Variants in ZNF557 observed in about 807,000 individuals in gnomAD.
ZNF557 encodes zinc finger protein 557, also known as CTB-25J19.9.
A neutral mutation model predicts 21.2 loss-of-function variants in ZNF557; 19 were observed. The ratio of observed to expected loss-of-function variants is 0.90; its 90% confidence interval spans 0.63 to 1.32. The LOEUF is 1.32. ZNF557 is among the 40% of genes most tolerant of loss of function. The pLI is 0.00. For missense variants in ZNF557, 487 were observed against 519.8 expected (o/e 0.94, Z 0.61); for synonymous variants, 207 against 194.8 (o/e 1.06, Z -0.52).
At chr19:7,073,553 G>A (rs1977508890) in intron 2 of ZNF557, among the ~76,000 whole-genome samples, 1 of 152,096 alleles carries the variant, frequency 6.6e-6, no homozygotes, top group South Asian at 2.1e-4. Context: ...TGTGAATTTT[G>A]GGGGTTCTGT....
chr19:7,082,813 C>T lies in ZNF557; in HGVS notation c.427-65C>T. On this transcript the variant is annotated intron_variant, in intron 7 of 7. Coordinates refer to ENST00000252840, the MANE Select transcript of ZNF557 (RefSeq NM_024341.3). ...AACAGAATTCCTGGGAGAGGAAATT[C>T]CTCTGACAGCATTCAATGTTAAAAA... The T allele has an allele frequency of 4.1e-6, 6 of 1,473,208 alleles. No individual in the cohort carries two copies. In the South Asian group the frequency reaches 8.4e-5, roughly 21 times the overall value. The allele number at this position is 1,473,208 out of a possible 1,614,324, so 91.3% of individuals were successfully genotyped here.
rs1292214684 is a variant in ZNF557, at chr19:7,083,166, A to G, written c.715A>G (p.Ser239Gly). 5 of 1,614,212 alleles carry G rather than the reference A, an allele frequency of 3.1e-6. No homozygotes were observed. The highest frequency in any genetic ancestry group is 4.2e-6 in the Non-Finnish European group (5 of 1,180,022). ...CAATGGGGAGAAACCCTACGAATGC[A>G]GTGACTGTGGGAAAACCTTCAGCAA... is the stretch of plus-strand genomic sequence containing the variant. ...IHNGEKPYEC[S>G]DCGKTFSNSS... The change falls in exon 8 of 8, where the codon AGT (serine) becomes GGT (glycine). Residue 239 changes from serine to glycine, a missense_variant. Ser to Gly is a moderately conservative substitution (Grantham distance 56). Coordinates refer to ENST00000252840, the MANE Select transcript of ZNF557 (RefSeq NM_024341.3).
intron 5 of ZNF557, among the ~76,000 whole-genome samples, 196 bp from the exon 6 acceptor site, chr19:7,081,150 GGTGTGTGTGTGTGT>G (rs531191945): frequency 0.11 from 15,304 of 139,062 alleles, 901 homozygotes; most frequent in Non-Finnish European, 0.15. Flanking sequence ...TTGCTTGTGG[GGTGTGTGTGTGTGT>G]GTGTGTGTGT....
In ZNF557 at chr19:7,083,414, A is replaced by T; in HGVS notation, c.963A>T (p.Glu321Asp). The T allele has an allele frequency of 6.2e-7, 1 of 1,614,196 alleles. No homozygotes were observed. The highest frequency in any genetic ancestry group is 1.1e-5 in the South Asian group (1 of 91,084). The change falls in exon 8 of 8, where the codon GAA becomes GAT. Residue 321 changes from glutamate to aspartate, a missense_variant. Physicochemically the swap from Glu to Asp is conservative, Grantham distance 45 (BLOSUM62 2). Coordinates refer to ENST00000252840, the MANE Select transcript of ZNF557 (RefSeq NM_024341.3). ...TTCATACAGGGGAGTACCCTTACGA[A>T]TGCCACGATTGTGGGAGAACCTTCA... ...YSIHTGEYPYECHDCGRTFRR... is the reference protein window; with the variant it reads ...YSIHTGEYPYDCHDCGRTFRR...
Position 7,085,732 on chromosome 19 carries a change from A to T in ZNF557, c.*1988A>T, listed in dbSNP as rs1568411993. ...GTGCTATGAATGTGGAATTACCTTC[A>T]TCAATGTCTCATTTGTAGGTTGGGC... On this transcript the variant is annotated 3_prime_UTR_variant, in exon 8 of 8. Coordinates refer to ENST00000252840, the MANE Select transcript of ZNF557 (RefSeq NM_024341.3). The T allele has an allele frequency of 6.6e-6, 1 of 152,194 alleles. No individual in the cohort carries two copies. The highest frequency in any genetic ancestry group is 1.5e-5 in the Non-Finnish European group (1 of 68,032). The allele number at this position is 152,194 out of a possible 1,614,324, so 9.4% of individuals were successfully genotyped here.
rs1555730813 is a variant in ZNF557 at position 7,087,226 on chromosome 19, T to TTTTTTTTTTTTTTTTTTTTTTTTTTTG, written c.*3482_*3483insTTTTTTTTTTTTTTTTTTTTTTTTTTG. On this transcript the variant is annotated 3_prime_UTR_variant, in exon 8 of 8. Coordinates refer to ENST00000252840, the MANE Select transcript of ZNF557 (RefSeq NM_024341.3). ...GCTTTTTTTTTTTTTTTTTTTTTTT[T>TTTTTTTTTTTTTTTTTTTTTTTTTTTG]CTTCACTGTGGTGATAAAAACCACA... is the stretch of plus-strand genomic sequence containing the variant. The TTTTTTTTTTTTTTTTTTTTTTTTTTTG allele has an allele frequency of 1.1e-5, 1 of 87,560 alleles. No individual in the cohort carries two copies. The highest frequency in any genetic ancestry group is 5.1e-5 in the African/African-American group (1 of 19,646). The allele number at this position is 87,560 out of a possible 1,614,324, so 5.4% of individuals were successfully genotyped here. A position where few individuals can be genotyped will look rare whatever the true frequency, so the allele number is the denominator to read the frequency against.
At chr19:7,078,523 T>A (rs1411248968) in intron 5 of ZNF557, among the ~76,000 whole-genome samples, 1 of 151,498 alleles carries the variant, frequency 6.6e-6, no homozygotes. Context: ...CTCTGCCTCC[T>A]GGGTTCAAGC....
chr19:7,084,082 C>G lies in ZNF557; in HGVS notation c.*338C>G. 1 of 230,152 alleles carries G rather than the reference C, an allele frequency of 4.3e-6. No individual in the cohort carries two copies. The highest frequency in any genetic ancestry group is 2.3e-5 in the African/African-American group (1 of 43,250). 14.3% of individuals were successfully genotyped at this position (230,152 alleles called of 1,614,324 possible). A position where few individuals can be genotyped will look rare whatever the true frequency, so the allele number is the denominator to read the frequency against. On this transcript the variant is annotated 3_prime_UTR_variant, in exon 8 of 8. Coordinates refer to ENST00000252840, the MANE Select transcript of ZNF557 (RefSeq NM_024341.3). ...GCTGTTTCCAAGGGAGCTGCGCTTC[C>G]AAATCACGTAGGCCTCTCAACAGGG...
At chr19:7,081,154 T>G (rs914654370) in intron 5 of ZNF557, among the ~76,000 whole-genome samples, 1,201 of 12,950 alleles carry the variant, frequency 0.093, 22 homozygotes, top group African/African-American at 0.17. Flanking sequence ...TTGTGGGGTG[T>G]GTGTGTGTGT....
In ZNF557 at chr19:7,083,734, G is replaced by A; in HGVS notation, c.1283G>A (p.Arg428Lys). Residue 428 changes from arginine to lysine, a missense_variant, in exon 8 of 8, where the codon AGG (arginine) becomes AAG (lysine). Arg to Lys is a conservative substitution (Grantham distance 26). Coordinates refer to ENST00000252840, the MANE Select transcript of ZNF557 (RefSeq NM_024341.3). ...TCTGTGCATACGAGAATGCATAATA[G>A]GCAAATGTGAATTCAATAACTGTGG... is the stretch of plus-strand genomic sequence containing the variant. The part of the protein sequence containing the change: ...YLSVHTRMHN[R>K]QM The A allele has an allele frequency of 6.3e-7, 1 of 1,599,576 alleles. No homozygotes were observed. Among genetic ancestry groups the A allele is most frequent in the South Asian group, 1.1e-5 (1 of 89,180 alleles).
chr19:7,070,169 C>T (rs1045470878), intron 1 of ZNF557, among the ~76,000 whole-genome samples: 1 of 152,180 alleles, frequency 6.6e-6, no homozygotes, highest in Non-Finnish European at 1.5e-5. Context: ...GGTTGGGAAA[C>T]CCTGCTGGAG....
rs1977537944 is a variant in ZNF557, at chr19:7,074,623, G to A, written c.-79-373G>A. Among the ~76,000 whole-genome samples, 10 of 150,932 alleles carry A rather than the reference G, an allele frequency of 6.6e-5. No homozygotes were observed. In the South Asian group the frequency reaches 2.1e-3, roughly 32 times the overall value. On this transcript the variant is annotated intron_variant, in intron 2 of 7. Coordinates refer to ENST00000252840, the MANE Select transcript of ZNF557 (RefSeq NM_024341.3). ...GGAGCTCTGCTGGGCTGGCATGAGA[G>A]TGGGGAGTGGGGAGGAGGAAATCAA...
chr19:7,071,102 A>T (rs1286216502), intron 2 of ZNF557, among the ~76,000 whole-genome samples: 1 of 152,188 alleles, frequency 6.6e-6, no homozygotes, highest in Non-Finnish European at 1.5e-5. Flanking sequence ...TATATTCAAG[A>T]GAAGGATACT....
intron 7 of ZNF557, 29 bp from the exon 8 acceptor site, chr19:7,082,849 G>A: frequency 6.6e-7 from 1 of 1,521,410 alleles, no homozygotes. Flanking sequence ...TATTATAAAT[G>A]GTACTTATTG....
At chr19:7,080,305 T>G (rs8101341) in intron 5 of ZNF557, among the ~76,000 whole-genome samples, 66,069 of 151,858 alleles carry the variant, frequency 0.44, 14,629 homozygotes, top group East Asian at 0.58. Flanking sequence ...CTCCATCTTG[T>G]GGGGGAAAAG....
At chr19:7,080,707 T>C (rs928862296) in intron 5 of ZNF557, among the ~76,000 whole-genome samples, 1 of 152,176 alleles carries the variant, frequency 6.6e-6, no homozygotes, top group African/African-American at 2.4e-5. Flanking sequence ...AGTTAAAATG[T>C]CACAAATCTC....
chr19:7,070,866 A>G (rs1007489545), intron 2 of ZNF557, among the ~76,000 whole-genome samples: 2 of 151,836 alleles, frequency 1.3e-5, no homozygotes, highest in Non-Finnish European at 1.5e-5. Flanking sequence ...CCCAGGTTCA[A>G]GCAGTTCTCC....
rs774614551 is a variant in ZNF557, at chr19:7,083,239, C to T, written c.788C>T (p.Pro263Leu). ...PHLRIHTGEKPYKCNQCFREF... is the reference protein window; with the variant it reads ...PHLRIHTGEKLYKCNQCFREF... ...TTGAGAATTCACACTGGAGAAAAAC[C>T]GTACAAATGTAACCAGTGTTTTCGT... The change falls in exon 8 of 8, where the codon CCG becomes CTG. Residue 263 changes from proline to leucine, a missense_variant. By Grantham distance (98) the Pro-to-Leu change is moderately conservative (BLOSUM62 -3). Coordinates refer to ENST00000252840, the MANE Select transcript of ZNF557 (RefSeq NM_024341.3). The T allele has an allele frequency of 2.5e-6, 4 of 1,614,196 alleles. No individual in the cohort carries two copies. Among genetic ancestry groups the T allele is most frequent in the Non-Finnish European group, 3.4e-6 (4 of 1,180,040 alleles).
At chr19:7,078,145 C>G (rs1006312622) in intron 5 of ZNF557, among the ~76,000 whole-genome samples, 4 of 152,124 alleles carry the variant, frequency 2.6e-5, no homozygotes, top group Admixed American at 2.6e-4. Flanking sequence ...AGATAGAATT[C>G]TTGGTTGATA....
Sources: gnomAD v4.1 joint callset for allele counts (sites outside exome capture counted in the v4.1 genomes callset) on GRCh38, gnomAD v4.1.1 for gene constraint, MANE v1.5 for transcripts, NCBI Gene and HGNC (gene_info 2026-07-23, HGNC 2026-07-21) for gene names.